NADK: variants seen among roughly 807,000 people sequenced by gnomAD.
NADK encodes NAD kinase.
Under a neutral mutation model 49.8 loss-of-function variants are expected in NADK, and 22 were observed. The ratio of observed to expected loss-of-function variants is 0.44; its 90% CI spans 0.32 to 0.63. NADK has a LOEUF of 0.63. Ranked by LOEUF, NADK falls within the 30% of genes least tolerant of loss-of-function variation. The pLI is 0.06. For missense variants in NADK, 438 were observed against 609.4 expected (o/e 0.72, Z 2.96); for synonymous variants, 268 against 253.7 (o/e 1.06, Z -0.54).
rs1244941435 is a variant in NADK, at chr1:1,759,104, G to A, written c.264-1794C>T. ...CCCGCCAACAGTCACCACTGACCCA[G>A]TGGCCTGGCCTACACCCATTCCAGC... On this transcript the variant is annotated intron_variant, in intron 3 of 11. Coordinates refer to ENST00000341426, the MANE Select transcript of NADK (RefSeq NM_023018.5). 3.2e-6 allele frequency: 5 copies of A among 1,540,072 alleles called. No homozygotes were observed. In the East Asian group the frequency reaches 7.4e-5, roughly 23 times the overall value.
intron 3 of NADK, chr1:1,759,586 G>A: frequency 1.0e-6 from 1 of 991,836 alleles, no homozygotes; most frequent in Non-Finnish European, 1.5e-6. Context: ...GAAGACGGAA[G>A]TTCAGATGCA....
At chr1:1,755,252 G>A in intron 7 of NADK, 122 bp downstream of exon 7, 2 of 748,558 alleles carry the variant, frequency 2.7e-6, no homozygotes, top group Non-Finnish European at 4.5e-6. Flanking sequence ...AGAAATCCCT[G>A]AATCTTGAAA....
At chr1:1,761,226 C>T (rs1425071524) in intron 3 of NADK, among the ~76,000 whole-genome samples, 1 of 152,152 alleles carries the variant, frequency 6.6e-6, no homozygotes, top group Non-Finnish European at 1.5e-5. Context: ...CTCCTGACCT[C>T]GTGATCCGCC....
rs1226755522 is a variant in NADK at position 1,762,757 on chromosome 1, CA to C, written c.180-723del. On this transcript the variant is annotated intron_variant, in intron 2 of 11. Transcript: ENST00000341426. ...GGCTGAAAAAAGTGAAACTCTGTCT[CA>C]AAATGAATGAATGAATGAATGAATG... 3.0e-3 allele frequency among the ~76,000 whole-genome samples: 406 copies of C among 135,646 alleles called. 2 individuals are homozygous for C. Among genetic ancestry groups the C allele is most frequent in the African/African-American group, 9.8e-3 (367 of 37,444 alleles). 89.0% of individuals were successfully genotyped at this position (135,646 alleles called of 152,430 possible). A position where few individuals can be genotyped will look rare whatever the true frequency, so the allele number is the denominator to read the frequency against.
In NADK at chr1:1,754,333, A is replaced by G. The variant is rs757029609; in HGVS notation, c.894T>C (p.Asn298=). Residue 298 remains asparagine (N), a synonymous_variant, in exon 9 of 12, where the codon AAT becomes AAC. Transcript: ENST00000341426. This position sits in a 1 kb window ranked among gnomAD's most constrained non-coding sequence, Gnocchi z 4.3. ...IDRGPSSYLS[N]VDVYLDGHLI... ...GGTGTCCGTCCAGGTAGACATCCAC[A>G]TTGGACAGGTAGGAGGAGGGGCCTC... 1.2e-6 allele frequency: 2 copies of G among 1,613,916 alleles called. No individual in the cohort carries two copies. The highest frequency in any genetic ancestry group is 2.2e-5 in the East Asian group (1 of 44,874).
intron 1 of NADK, among the ~76,000 whole-genome samples, chr1:1,771,130 CATATAT>C (rs775921199): frequency 8.2e-5 from 12 of 145,828 alleles, no homozygotes; most frequent in Non-Finnish European, 1.8e-4. Flanking sequence ...AATATATATA[CATATAT>C]ATGATCTATA....
At chr1:1,765,494 TG>T in intron 1 of NADK, 48 bp from the exon 2 acceptor site, 5 of 967,156 alleles carry the variant, frequency 5.2e-6, no homozygotes, top group Non-Finnish European at 7.2e-6. Flanking sequence ...TAAATATGTA[TG>T]AAACAATAAT....
chr1:1,779,506 G>A (rs1646309973), upstream of NADK, among the ~76,000 whole-genome samples: 1 of 152,160 alleles, frequency 6.6e-6, no homozygotes, highest in South Asian at 2.1e-4. Flanking sequence ...CTGAGATAGT[G>A]TCTCATTCGT....
At position 1,771,055 on chromosome 1, in the gene NADK, AAT is replaced by A. The variant is rs112432636; in HGVS notation, c.-40-5611_-40-5610del. On this transcript the variant is annotated intron_variant, in intron 1 of 11. Transcript: ENST00000341426. ...GATTTCATCTTATAAAAAAAAAAAA[AAT>A]ATATATATATATATATATACACACA... Among the ~76,000 whole-genome samples the A allele has an allele frequency of 2.5e-3, 334 of 132,064 alleles. 1 individual carries two copies. The highest frequency in any genetic ancestry group is 6.7e-3 in the East Asian group (32 of 4,800). The allele number at this position is 132,064 out of a possible 152,430, so 86.6% of individuals were successfully genotyped here.
intron 1 of NADK, among the ~76,000 whole-genome samples, chr1:1,769,216 A>C (rs1645973544): frequency 6.6e-6 from 1 of 152,120 alleles, no homozygotes; most frequent in Non-Finnish European, 1.5e-5. Context: ...CCAGGAGTTC[A>C]AGACCAGCCT....
intron 3 of NADK, among the ~76,000 whole-genome samples, chr1:1,758,853 C>T (rs1437271904): frequency 6.6e-6 from 1 of 152,186 alleles, no homozygotes; most frequent in African/African-American, 2.4e-5. Flanking sequence ...TACCCAGCCT[C>T]CAGCCTCGCC....
chr1:1,756,447 C>G, intron 5 of NADK, 56 bp downstream of exon 5: 1 of 1,612,268 alleles, frequency 6.2e-7, no homozygotes, highest in South Asian at 1.1e-5. Context: ...CAGAAGCTTC[C>G]AATGGGGCGG....
rs1458132570 is a variant in NADK, at chr1:1,757,212, G to A, written c.362C>T (p.Pro121Leu). Residue 121 changes from proline (P) to leucine (L), a missense_variant, in exon 4 of 12, where the codon CCG becomes CTG. Pro to Leu is a moderately conservative substitution (Grantham distance 98, BLOSUM62 -3). Coordinates refer to ENST00000341426, the MANE Select transcript of NADK (RefSeq NM_023018.5). ...GAGGTGCGTGCAGAGCTCCTTGAAC[G>A]GCTGCAGTAGGCTGGCATCTCTCAT... ...KKMRDASLLQ[P>L]FKELCTHLME... is the part of the protein sequence containing the mutation. 7 of 1,579,010 alleles carry A rather than the reference G, an allele frequency of 4.4e-6. No homozygotes were observed. In the East Asian group the frequency reaches 7.1e-5, roughly 16 times the overall value.
At chr1:1,753,155 G>C in intron 11 of NADK, 95 bp from the exon 12 acceptor site, 1 of 1,448,968 alleles carries the variant, frequency 6.9e-7, no homozygotes, top group African/African-American at 1.4e-5. Context: ...GAATGGCCGG[G>C]ACTCTTTTCC....
intron 3 of NADK, among the ~76,000 whole-genome samples, chr1:1,760,858 T>C (rs1344628826): frequency 6.6e-6 from 1 of 152,236 alleles, no homozygotes; most frequent in African/African-American, 2.4e-5. Flanking sequence ...CTGGAGACAG[T>C]CTTGCTCTGT....
At chr1:1,763,993 A>G (rs1645808886) in intron 2 of NADK, among the ~76,000 whole-genome samples, 1 of 152,242 alleles carries the variant, frequency 6.6e-6, no homozygotes, top group Non-Finnish European at 1.5e-5. Context: ...ACCCCCACTG[A>G]CAACGAGGCA....
chr1:1,757,146 G>GGGCCCCC, intron 4 of NADK, 35 bp downstream of exon 4: 1 of 1,524,050 alleles, frequency 6.6e-7, no homozygotes, highest in African/African-American at 1.4e-5. Flanking sequence ...AACTCCATGT[G>GGGCCCCC]CACCCCAGGC....
chr1:1,765,480 T>A, intron 1 of NADK, 34 bp from the exon 2 acceptor site: 2 of 1,019,096 alleles, frequency 2.0e-6, no homozygotes, highest in Non-Finnish European at 2.7e-6. Context: ...GTAAATAAAG[T>A]AAATAAATAT....
intron 1 of NADK, among the ~76,000 whole-genome samples, chr1:1,765,858 C>T (rs911987797): frequency 3.3e-5 from 5 of 151,998 alleles, no homozygotes; most frequent in Admixed American, 6.6e-5. Flanking sequence ...TGCAGTAAGT[C>T]GAGATCATGC....
Sources: gnomAD v4.1 joint callset for allele counts (sites outside exome capture counted in the v4.1 genomes callset) on GRCh38, gnomAD v4.1.1 for gene constraint, Gnocchi (gnomAD v3.1) non-coding constraint, MANE v1.5 for transcripts, NCBI Gene and HGNC (gene_info 2026-07-23, HGNC 2026-07-21) for gene names.